The following MACROD2 variants were observed in gnomAD, a reference collection of about 807,000 sequenced individuals.
MACROD2 encodes the protein ADP-ribose glycohydrolase MACROD2.
MACROD2 carries 36 observed loss-of-function variants against 70.4 expected under a neutral mutation model. That is an observed-to-expected ratio of 0.51 (90% CI 0.39 to 0.68). The LOEUF is 0.68. MACROD2 is among the 30% of genes least tolerant of loss of function. MACROD2 has a pLI of 0.00. For synonymous variants in MACROD2, 172 were observed against 178.8 expected, an observed-to-expected ratio of 0.96 and a Z score of 0.30; for missense variants, 496 against 538.4, an observed-to-expected ratio of 0.92 and a Z score of 0.78.
At chr20:14,060,229 A>G (rs1382124859) in intron 2 of MACROD2, among the ~76,000 whole-genome samples, 3 of 152,154 alleles carry the variant, frequency 2.0e-5, no homozygotes, top group Admixed American at 6.5e-5. Flanking sequence ...GGTTCCCTCT[A>G]TCTTAGTCTT....
chr20:14,311,466 A>G (rs1189170656), intron 3 of MACROD2, among the ~76,000 whole-genome samples: 3 of 152,224 alleles, frequency 2.0e-5, no homozygotes, highest in East Asian at 3.9e-4. Flanking sequence ...TGGCCTAGCA[A>G]TGCATTTTTT....
At chr20:15,247,886 C>A (rs975883052) in intron 6 of MACROD2, among the ~76,000 whole-genome samples, 1 of 152,054 alleles carries the variant, frequency 6.6e-6, no homozygotes, top group Admixed American at 6.5e-5. Flanking sequence ...TTAGTAGAGA[C>A]GGGGTTTCAC....
At chr20:15,467,238 G>T (rs189814196) in intron 7 of MACROD2, among the ~76,000 whole-genome samples, 7 of 152,322 alleles carry the variant, frequency 4.6e-5, no homozygotes, top group Non-Finnish European at 1.5e-5. Context: ...TTGCTCCTCA[G>T]ACAAGCCAAC....
intron 3 of MACROD2, among the ~76,000 whole-genome samples, chr20:14,466,536 T>G (rs1236514110): frequency 1.3e-5 from 2 of 152,144 alleles, no homozygotes; most frequent in Admixed American, 1.3e-4. Flanking sequence ...TCTCAACTTG[T>G]CAAAGTCATT....
chr20:14,659,738 C>T (rs1600509135), intron 4 of MACROD2, among the ~76,000 whole-genome samples: 1 of 152,246 alleles, frequency 6.6e-6, no homozygotes, highest in Non-Finnish European at 1.5e-5. Context: ...GGAGTGTACT[C>T]ATTTTTGAGA....
intron 6 of MACROD2, among the ~76,000 whole-genome samples, chr20:15,337,646 A>G (rs2078062707): frequency 6.6e-6 from 1 of 151,724 alleles, no homozygotes; most frequent in South Asian, 2.1e-4. Context: ...CTCAACTTTC[A>G]AGAATACAAC....
At chr20:14,129,079 A>G (rs1025900149) in intron 3 of MACROD2, among the ~76,000 whole-genome samples, 1 of 152,238 alleles carries the variant, frequency 6.6e-6, no homozygotes, top group African/African-American at 2.4e-5. Flanking sequence ...TCTAAGAAGT[A>G]TATTTTATAA....
intron 6 of MACROD2, among the ~76,000 whole-genome samples, chr20:15,403,074 C>T (rs940450693): frequency 6.6e-6 from 1 of 151,960 alleles, no homozygotes; most frequent in East Asian, 1.9e-4. Flanking sequence ...TCAAGCGATT[C>T]TCCTGCCTTA....
intron 8 of MACROD2, among the ~76,000 whole-genome samples, chr20:15,693,077 T>A (rs1266208866): frequency 6.6e-6 from 1 of 152,170 alleles, no homozygotes; most frequent in South Asian, 2.1e-4. Flanking sequence ...GGCCTTCCAA[T>A]CATGCTTCCT....
intron 8 of MACROD2, among the ~76,000 whole-genome samples, chr20:15,616,652 G>C (rs2049043921): frequency 6.6e-6 from 1 of 152,048 alleles, no homozygotes; most frequent in South Asian, 2.1e-4. Flanking sequence ...GAATTGCCTG[G>C]TTCTAACTTT....
chr20:14,541,003 G>A (rs1249744203), intron 4 of MACROD2, among the ~76,000 whole-genome samples: 2 of 152,156 alleles, frequency 1.3e-5, no homozygotes, highest in Admixed American at 1.3e-4. Flanking sequence ...AATTCTGTTG[G>A]TAGGGAATAT....
intron 6 of MACROD2, among the ~76,000 whole-genome samples, chr20:15,405,211 G>A (rs2045983306): frequency 6.6e-6 from 1 of 151,186 alleles, no homozygotes; most frequent in African/African-American, 2.4e-5. Flanking sequence ...GGCAGAGGTG[G>A]TGGTGGTTGC....
At chr20:15,724,594 T>G (rs751442507) in intron 8 of MACROD2, among the ~76,000 whole-genome samples, 2 of 152,230 alleles carry the variant, frequency 1.3e-5, no homozygotes, top group Non-Finnish European at 2.9e-5. Flanking sequence ...CAGTTGATTA[T>G]ATTTATGTGC....
intron 5 of MACROD2, chr20:15,022,746 A>G (rs1306244044): frequency 6.6e-6 from 1 of 152,198 alleles, no homozygotes; most frequent in African/African-American, 2.4e-5. Flanking sequence ...CCACCATTAC[A>G]GTATCATACA....
At chr20:14,901,525 G>T (rs1057441713) in intron 5 of MACROD2, among the ~76,000 whole-genome samples, 1 of 151,924 alleles carries the variant, frequency 6.6e-6, no homozygotes, top group African/African-American at 2.4e-5. Flanking sequence ...GGATATATTC[G>T]GTTAAATTAT....
chr20:14,404,308 T>C (rs2083669711), intron 3 of MACROD2, among the ~76,000 whole-genome samples: 1 of 152,074 alleles, frequency 6.6e-6, no homozygotes, highest in African/African-American at 2.4e-5. Flanking sequence ...AGGAAGCACA[T>C]GTATACAAAG....
chr20:15,673,032 C>T (rs910913498), intron 8 of MACROD2, among the ~76,000 whole-genome samples: 3 of 152,148 alleles, frequency 2.0e-5, no homozygotes, highest in African/African-American at 7.2e-5. Context: ...CCTCCCCAGC[C>T]ACGTGGAACC....
chr20:14,626,176 G>T lies in MACROD2; in HGVS notation c.302-58667G>T, dbSNP rs77441458. Among the ~76,000 whole-genome samples the T allele has an allele frequency of 5.5e-3, 836 of 152,130 alleles. 7 individuals are homozygous for T. Among genetic ancestry groups the T allele is most frequent in the African/African-American group, 0.019 (790 of 41,520 alleles). On this transcript the variant is annotated intron_variant, in intron 4 of 17. Transcript: ENST00000684519. ...TATATTACATTGCTTTAGATCAAGG[G>T]GCACACTTTACAGCAAGGGTAGTTG... is the stretch of plus-strand genomic sequence containing the variant.
At chr20:15,115,983 A>C (rs561440489) in intron 5 of MACROD2, among the ~76,000 whole-genome samples, 1 of 152,214 alleles carries the variant, frequency 6.6e-6, no homozygotes, top group South Asian at 2.1e-4. Context: ...AGAAATAAAA[A>C]CTCTAGAATA....
Sources: gnomAD v4.1 joint callset for allele counts (sites outside exome capture counted in the v4.1 genomes callset) on GRCh38, gnomAD v4.1.1 for gene constraint, MANE v1.5 for transcripts, NCBI Gene and HGNC (gene_info 2026-07-23, HGNC 2026-07-21) for gene names.